The following TARBP1 variants were observed in gnomAD, a reference collection of about 807,000 sequenced individuals.
TARBP1 encodes the protein tRNA (guanosine(18)-2'-O)-methyltransferase TARBP1.
Under a neutral mutation model 178.6 loss-of-function variants are expected in TARBP1, and 144 were observed. The ratio of observed to expected loss-of-function variants is 0.81; its 90% CI spans 0.70 to 0.93. The LOEUF (loss-of-function observed/expected upper bound fraction) is 0.93, where lower values mean the gene tolerates loss of function less well. Among genes scored for constraint, TARBP1 ranks in the 40% least tolerant of loss-of-function variants. TARBP1 has a pLI of 0.00. For missense variants in TARBP1, 2,067 were observed against 2,011.7 expected, an observed-to-expected ratio of 1.03 and a Z score of -0.53; for synonymous variants, 787 against 781.0, an observed-to-expected ratio of 1.01 and a Z score of -0.13.
rs956619902 is a variant in TARBP1 at position 234,398,325 on chromosome 1, C to A, written c.4243+57G>T. Reference sequence around the variant, plus strand: ...ACTACCTGTCCTTAGTAACTTAAATCAAAAAAATCTAACCAGATCAACAAG... The same window carrying A: ...ACTACCTGTCCTTAGTAACTTAAATAAAAAAAATCTAACCAGATCAACAAG... On this transcript the variant is annotated intron_variant, in intron 26 of 29. Transcript: ENST00000040877. 38 of 1,452,832 alleles carry A rather than the reference C, an allele frequency of 2.6e-5. No homozygotes were observed. In the African/African-American group the frequency reaches 3.1e-4, roughly 12 times the overall value. The allele number at this position is 1,452,832 out of a possible 1,614,324, so 90.0% of individuals were successfully genotyped here. A position where few individuals can be genotyped will look rare whatever the true frequency, so the allele number is the denominator to read the frequency against.
At chr1:234,442,105 T>A (rs756000046) in intron 12 of TARBP1, among the ~76,000 whole-genome samples, 4 of 152,120 alleles carry the variant, frequency 2.6e-5, no homozygotes, top group Middle Eastern at 6.8e-3. Context: ...CCTTAGAAAT[T>A]AACCCTAAAA....
chr1:234,459,127 G>A, intron 8 of TARBP1, 103 bp downstream of exon 8: 1 of 715,208 alleles, frequency 1.4e-6, no homozygotes, highest in Middle Eastern at 2.5e-4. Flanking sequence ...TTACAAGCAG[G>A]CCTTTCTAAT....
At chr1:234,418,944 G>A (rs941148138) in intron 21 of TARBP1, among the ~76,000 whole-genome samples, 7 of 152,114 alleles carry the variant, frequency 4.6e-5, no homozygotes, top group Non-Finnish European at 8.8e-5. Context: ...AGGCCGAGGC[G>A]GGCGGATCAC....
In TARBP1 at chr1:234,393,492, C is replaced by T. The variant is rs377569827; in HGVS notation, c.4436-6G>A. On this transcript the variant is annotated splice_region_variant and splice_polypyrimidine_tract_variant and intron_variant, in intron 27 of 29. Coordinates refer to ENST00000040877, the MANE Select transcript of TARBP1 (RefSeq NM_005646.4). The stretch of plus-strand genomic sequence containing the variant: ...CTCACAGGTCCTGCACAGTCCTGCA[C>T]AGAACACCTGGGATCATTAAGATTG... 17 of 1,585,766 alleles carry T rather than the reference C, an allele frequency of 1.1e-5. No individual in the cohort carries two copies. In the African/African-American group the frequency reaches 2.3e-4, roughly 22 times the overall value.
chr1:234,459,383 T>C (rs1667613469), intron 7 of TARBP1, 57 bp from the exon 8 acceptor site: 13 of 1,324,570 alleles, frequency 9.8e-6, no homozygotes, highest in African/African-American at 1.5e-5. Flanking sequence ...TTCTGATAAT[T>C]TGTGATTATC....
intron 11 of TARBP1, among the ~76,000 whole-genome samples, chr1:234,447,394 CTTT>C (rs36066908): frequency 9.6e-6 from 1 of 104,614 alleles, no homozygotes; most frequent in Non-Finnish European, 1.8e-5. Flanking sequence ...TGTTAACCAA[CTTT>C]TTTTTTTTTT....
intron 19 of TARBP1, among the ~76,000 whole-genome samples, chr1:234,426,031 T>C (rs1317044158): frequency 1.3e-5 from 2 of 152,206 alleles, no homozygotes; most frequent in Non-Finnish European, 2.9e-5. Context: ...TCATCCAGAT[T>C]TCTGGAGAAT....
intron 22 of TARBP1, among the ~76,000 whole-genome samples, chr1:234,414,029 G>A (rs548010882): frequency 2.6e-5 from 4 of 152,164 alleles, no homozygotes; most frequent in African/African-American, 7.2e-5. Flanking sequence ...ACACATCTAC[G>A]TTTTAGGTTA....
intron 26 of TARBP1, among the ~76,000 whole-genome samples, chr1:234,396,207 C>G (rs148945948): frequency 6.6e-6 from 1 of 152,234 alleles, no homozygotes; most frequent in African/African-American, 2.4e-5. Context: ...TCCAGTAACA[C>G]TGTATTTCCC....
At position 234,392,487 on chromosome 1, in the gene TARBP1, T is replaced by C. The variant is rs770438015; in HGVS notation, c.4626A>G (p.Gly1542=). The change falls in exon 29 of 30, where the codon GGA becomes GGG. Residue 1542 remains glycine, a synonymous_variant. Coordinates refer to ENST00000040877, the MANE Select transcript of TARBP1 (RefSeq NM_005646.4). The part of the protein sequence containing the change: ...QKKTEGYTII[G]VEQTAKSLDL... ...CTAAACTTTTGGCAGTTTGTTCCAC[T>C]CCAATGATGGTATAACCTTCTGTTT... The C allele has an allele frequency of 6.2e-7, 1 of 1,614,154 alleles. No individual in the cohort carries two copies. Among genetic ancestry groups the C allele is most frequent in the African/African-American group, 1.3e-5 (1 of 75,056 alleles).
At chr1:234,400,111 T>C (rs1660535830) in intron 25 of TARBP1, 1 of 151,908 alleles carries the variant, frequency 6.6e-6, no homozygotes, top group South Asian at 2.1e-4. Flanking sequence ...AGCCCCATTA[T>C]TTTATTTACA....
At chr1:234,460,481 A>C in intron 6 of TARBP1, 85 bp from the exon 7 acceptor site, 1 of 1,414,926 alleles carries the variant, frequency 7.1e-7, no homozygotes, top group East Asian at 2.4e-5. Flanking sequence ...GGGAAATACA[A>C]GTCAAAACCA....
rs1664117158 is a variant in TARBP1, at chr1:234,429,166, G to C, written c.3030C>G (p.Ile1010Met). The C allele has an allele frequency of 6.3e-7, 1 of 1,585,682 alleles. No individual in the cohort carries two copies. Among genetic ancestry groups the C allele is most frequent in the African/African-American group, 1.4e-5 (1 of 72,844 alleles). ...TTATTTTGAAATATGCCTGGCCCTT[G>C]ATTTTGGCAGCAATGGTAAGAACTT... ...DNKVLTIAAK[I>M]KGQAYFKIKE... Residue 1010 changes from isoleucine to methionine, a missense_variant, in exon 17 of 30, where the codon ATC (isoleucine) becomes ATG (methionine). Ile to Met is a conservative substitution (Grantham distance 10). Transcript: ENST00000040877.
At chr1:234,429,113 A>G (rs938409867) in intron 17 of TARBP1, 23 bp downstream of exon 17, 2 of 1,537,392 alleles carry the variant, frequency 1.3e-6, no homozygotes, top group African/African-American at 2.8e-5. Context: ...AAAGAAAAGC[A>G]AAAAGAAAAG....
intron 22 of TARBP1, among the ~76,000 whole-genome samples, chr1:234,416,167 T>C (rs1344700137): frequency 1.3e-5 from 2 of 152,150 alleles, no homozygotes; most frequent in African/African-American, 2.4e-5. Context: ...TGCTAACCCA[T>C]TTGAGAGGTG....
At position 234,450,553 on chromosome 1, in the gene TARBP1, A is replaced by G; in HGVS notation, c.1736T>C (p.Leu579Pro). The G allele has an allele frequency of 6.2e-7, 1 of 1,608,422 alleles. No individual in the cohort carries two copies. Among genetic ancestry groups the G allele is most frequent in the Non-Finnish European group, 8.5e-7 (1 of 1,178,392 alleles). The change falls in exon 10 of 30, where the codon CTA (leucine) becomes CCA (proline). Residue 579 changes from leucine to proline, a missense_variant. By Grantham distance (98) the Leu-to-Pro change is moderately conservative. Transcript: ENST00000040877. ...TSLWTELCDW[L>P]RVNESYFKPS... ...CTTAAAATAGCTTTCATTAACACGT[A>G]GCCAGTCACACAGCTGGAAAAGAAA... is the stretch of plus-strand genomic sequence containing the variant.
chr1:234,474,245 AACACACACACACACACACAC>A (rs35976593), intron 1 of TARBP1, among the ~76,000 whole-genome samples: 1 of 81,558 alleles, frequency 1.2e-5, no homozygotes, highest in Non-Finnish European at 3.0e-5. Flanking sequence ...TTGTCTCTAA[AACACACACACACACACACAC>A]ACACACACAC....
At chr1:234,466,354 T>C (rs1572398859) in intron 4 of TARBP1, among the ~76,000 whole-genome samples, 1 of 149,774 alleles carries the variant, frequency 6.7e-6, no homozygotes, top group South Asian at 2.1e-4. Context: ...TCTACTAAAA[T>C]TACAAAACTG....
rs372224176 is a variant in TARBP1 at position 234,429,228 on chromosome 1, T to C, written c.2968A>G (p.Asn990Asp). ...ACAAACTGAACAAAAGCTTTTAAAT[T>C]AGCCCAGAATATCAGCTGAGTGTTG... ...LSNTQLIFWA[N>D]LKAFVQFVFD... is the part of the protein sequence containing the mutation. The change falls in exon 17 of 30, where the codon AAT becomes GAT. Residue 990 changes from asparagine (N) to aspartate (D), a missense_variant. Physicochemically the swap from Asn to Asp is conservative, Grantham distance 23. Transcript: ENST00000040877. The C allele has an allele frequency of 2.4e-5, 38 of 1,610,018 alleles. No homozygotes were observed. The highest frequency in any genetic ancestry group is 3.1e-5 in the Non-Finnish European group (37 of 1,179,134).
Sources: allele counts gnomAD v4.1 joint callset (sites outside exome capture counted in the v4.1 genomes callset), GRCh38; gene constraint gnomAD v4.1.1; transcripts MANE v1.5; gene names NCBI Gene and HGNC (gene_info 2026-07-23, HGNC 2026-07-21).